The following GOT2 variants were observed in gnomAD, a reference collection of about 807,000 sequenced individuals.
GOT2 encodes glutamic-oxaloacetic transaminase 2.
GOT2 carries 17 observed loss-of-function variants against 50.0 expected under a neutral mutation model. The ratio of observed to expected loss-of-function variants is 0.34; its 90% CI spans 0.23 to 0.51. GOT2 has a LOEUF of 0.51. Among genes scored for constraint, GOT2 ranks in the 20% least tolerant of loss-of-function variants. The pLI is 0.97. For synonymous variants in GOT2, 172 were observed against 204.9 expected (o/e 0.84, Z 1.37); for missense variants, 430 against 559.6 (o/e 0.77, Z 2.34).
intron 1 of GOT2, among the ~76,000 whole-genome samples, chr16:58,730,026 T>TC (rs1473210553): frequency 2.0e-5 from 3 of 152,150 alleles, no homozygotes; most frequent in Non-Finnish European, 4.4e-5. Flanking sequence ...AAACTATGTA[T>TC]CTATTGCTTG....
At chr16:58,730,506 G>A (rs960779171) in intron 1 of GOT2, among the ~76,000 whole-genome samples, 1 of 151,898 alleles carries the variant, frequency 6.6e-6, no homozygotes. Flanking sequence ...CCGAGTAGCT[G>A]GGACTATGGG....
chr16:58,712,794 T>C (rs182031722), intron 8 of GOT2, among the ~76,000 whole-genome samples: 68 of 152,276 alleles, frequency 4.5e-4, no homozygotes, highest in Non-Finnish European at 7.6e-4. Flanking sequence ...CATACATATA[T>C]AACAGTATGT....
chr16:58,726,138 G>C lies in GOT2; in HGVS notation c.90-2236C>G, dbSNP rs1006567051. ...AACTACCATCCTAAAAGACCAGTTTGTTTTAAATATGAAAGAGCATATGAG... is the reference window on the plus strand; with the variant it reads ...AACTACCATCCTAAAAGACCAGTTTCTTTTAAATATGAAAGAGCATATGAG... On this transcript the variant is annotated intron_variant, in intron 1 of 9. Transcript: ENST00000245206. Among the ~76,000 whole-genome samples the C allele has an allele frequency of 2.0e-5, 3 of 152,174 alleles. No individual in the cohort carries two copies. In the East Asian group the frequency reaches 5.8e-4, roughly 29 times the overall value.
intron 1 of GOT2, among the ~76,000 whole-genome samples, chr16:58,728,443 G>A (rs1440722190): frequency 6.6e-6 from 1 of 152,112 alleles, no homozygotes; most frequent in African/African-American, 2.4e-5. Context: ...AATAGTCATC[G>A]TTACTAAATT....
rs188448255 is a variant in GOT2, at chr16:58,708,301, G to C, written c.1171-8C>G. ...CTTGATCAGCCGCTCCACCTGCAGA[G>C]AGGAAAGAACTTGGGTACCTCTTCC... On this transcript the variant is annotated splice_polypyrimidine_tract_variant and splice_region_variant and intron_variant, in intron 9 of 9. Coordinates refer to ENST00000245206, the MANE Select transcript of GOT2 (RefSeq NM_002080.4). The C allele has an allele frequency of 1.7e-3, 2,751 of 1,613,344 alleles. 17 individuals carry two copies. The highest frequency in any genetic ancestry group is 1.5e-3 in the Non-Finnish European group (1,806 of 1,179,628).
intron 2 of GOT2, 33 bp downstream of exon 2, chr16:58,723,713 T>C (rs1433757917): frequency 6.3e-7 from 1 of 1,576,950 alleles, no homozygotes; most frequent in Admixed American, 1.7e-5. Flanking sequence ...AGTTTATTCA[T>C]CCCATTCAAA....
intron 1 of GOT2, chr16:58,733,921 C>T: frequency 2.5e-6 from 1 of 396,806 alleles, no homozygotes; most frequent in Non-Finnish European, 4.4e-6. Flanking sequence ...AGTGCGGGGA[C>T]CAGAGGGATG....
chr16:58,722,866 A>G (rs1454266921), intron 2 of GOT2, among the ~76,000 whole-genome samples: 1 of 152,202 alleles, frequency 6.6e-6, no homozygotes, highest in Non-Finnish European at 1.5e-5. Flanking sequence ...CACAAGACCA[A>G]GGTTTAAGAG....
intron 6 of GOT2, among the ~76,000 whole-genome samples, chr16:58,717,091 T>C (rs756203345): frequency 2.0e-5 from 3 of 152,176 alleles, no homozygotes; most frequent in Non-Finnish European, 2.9e-5. Flanking sequence ...AAAGGGAAAC[T>C]GGCCAGGCAT....
intron 1 of GOT2, among the ~76,000 whole-genome samples, chr16:58,730,983 G>A (rs945654281): frequency 6.6e-5 from 10 of 152,156 alleles, no homozygotes; most frequent in African/African-American, 2.4e-4. Flanking sequence ...CAATCGAAAC[G>A]CATTGTAATT....
Position 58,734,217 on chromosome 16 carries a change from C to T in GOT2, c.12G>A (p.Leu4=). ...TCCCGGGGAGGACGCGGCCGGAGTG[C>T]AGCAGGGCCATGGTGGACCGTAGGA... The part of the protein sequence containing the change: MAL[L]HSGRVLPGIA... Residue 4 remains leucine (L), a synonymous_variant, in exon 1 of 10, where the codon CTG becomes CTA. Transcript: ENST00000245206. 1 of 1,331,134 alleles carries T rather than the reference C, an allele frequency of 7.5e-7. No individual in the cohort carries two copies. The allele number at this position is 1,331,134 out of a possible 1,614,324, so 82.5% of individuals were successfully genotyped here. A position where few individuals can be genotyped will look rare whatever the true frequency, so the allele number is the denominator to read the frequency against.
At chr16:58,720,097 A>C (rs2044729038) in intron 3 of GOT2, among the ~76,000 whole-genome samples, 1 of 152,156 alleles carries the variant, frequency 6.6e-6, no homozygotes, top group Non-Finnish European at 1.5e-5. Context: ...GCTACTCAGG[A>C]AGGCTGAGGC....
intron 8 of GOT2, among the ~76,000 whole-genome samples, chr16:58,712,531 C>T (rs1198539946): frequency 1.3e-5 from 2 of 151,726 alleles, no homozygotes; most frequent in African/African-American, 4.8e-5. Flanking sequence ...AGAACAACAA[C>T]AACAACAACA....
chr16:58,728,774 G>A (rs1011256483), intron 1 of GOT2, among the ~76,000 whole-genome samples: 8 of 152,090 alleles, frequency 5.3e-5, no homozygotes, highest in African/African-American at 1.7e-4. Flanking sequence ...TCCACTTCAC[G>A]GGTTCAAGCG....
Sources: allele counts gnomAD v4.1 joint callset (sites outside exome capture counted in the v4.1 genomes callset), GRCh38; gene constraint gnomAD v4.1.1; transcripts MANE v1.5; gene names NCBI Gene and HGNC (gene_info 2026-07-23, HGNC 2026-07-21).